Variants in LMO1 observed in about 807,000 individuals in gnomAD.
LMO1 encodes the protein rhombotin-1.
In LMO1, 10 loss-of-function variants were observed where a neutral mutation model predicts 18.0. The ratio of observed to expected loss-of-function variants is 0.55; its 90% CI spans 0.34 to 0.94. LMO1 has a LOEUF of 0.94. Ranked by LOEUF, LMO1 falls within the 40% of genes least tolerant of loss-of-function variation. The pLI is 0.02. For missense variants in LMO1, 183 were observed against 205.7 expected, an observed-to-expected ratio of 0.89 and a Z score of 0.68; for synonymous variants, 77 against 77.9, an observed-to-expected ratio of 0.99 and a Z score of 0.06.
rs139363148 is a variant in LMO1, at chr11:8,226,957, G to A, written c.365+18C>T. The A allele has an allele frequency of 6.0e-4, 959 of 1,603,868 alleles. 1 individual carries two copies. In the Middle Eastern group the frequency reaches 6.8e-3, roughly 11 times the overall value. On this transcript the variant is annotated intron_variant, in intron 3 of 3. Transcript: ENST00000335790. ...TGGCGTCTGGGGAGTGTGTTGGGTC[G>A]GCCAGTCCAGCACTGACCTCTGGTT...
chr11:8,241,031 C>T (rs982717464), intron 1 of LMO1, among the ~76,000 whole-genome samples: 1 of 152,138 alleles, frequency 6.6e-6, no homozygotes, highest in Admixed American at 6.6e-5. Context: ...TTCTCCTTCT[C>T]CAGGATGGGT....
intron 3 of LMO1, among the ~76,000 whole-genome samples, chr11:8,225,650 G>T (rs1037513): frequency 0.95 from 144,253 of 152,174 alleles, 68,443 homozygotes; most frequent in East Asian, 1. Flanking sequence ...CCCCAAGTAA[G>T]GGAAGATTCC....
Position 8,263,384 on chromosome 11 carries a change from C to G in LMO1, c.-22G>C. ...TCATCTCGGGCGCTCCGTGTCCAGC[C>G]GCAGCTAGGCTCGGCCGGGAGAAGG... On this transcript the variant is annotated 5_prime_UTR_variant, in exon 1 of 4. Transcript: ENST00000335790. The G allele has an allele frequency of 6.2e-7, 1 of 1,602,048 alleles. No homozygotes were observed. Among genetic ancestry groups the G allele is most frequent in the Middle Eastern group, 1.7e-4 (1 of 6,044 alleles).
chr11:8,243,539 G>A (rs542777719), intron 1 of LMO1, among the ~76,000 whole-genome samples: 56 of 152,312 alleles, frequency 3.7e-4, no homozygotes, highest in East Asian at 2.7e-3. Context: ...GTGTCATCCC[G>A]TGTGAGAGTC....
At chr11:8,266,941 C>T (rs1468503722), upstream of LMO1, among the ~76,000 whole-genome samples, 1 of 152,262 alleles carries the variant, frequency 6.6e-6, no homozygotes, top group Non-Finnish European at 1.5e-5. Flanking sequence ...CAGAGTAAAC[C>T]TACAGACTTC....
chr11:8,225,499 A>G (rs1037514), intron 3 of LMO1, among the ~76,000 whole-genome samples: 97,375 of 150,808 alleles, frequency 0.65, 33,863 homozygotes, highest in South Asian at 0.8. Flanking sequence ...CCTCTCCCCA[A>G]TTTAAGAGGA....
intron 1 of LMO1, among the ~76,000 whole-genome samples, chr11:8,250,749 G>A (rs1846976936): frequency 1.3e-5 from 2 of 152,250 alleles, no homozygotes. Context: ...GCCTCTGCTG[G>A]GCACAGACAT....
At chr11:8,268,659 G>A (rs970430289), upstream of LMO1, 1 of 315,500 alleles carries the variant, frequency 3.2e-6, no homozygotes, top group Non-Finnish European at 5.7e-6. Context: ...GGGAAGGCGC[G>A]GGGGCGAGAC....
intron 1 of LMO1, among the ~76,000 whole-genome samples, chr11:8,245,032 A>T (rs575705898): frequency 3.3e-4 from 51 of 152,336 alleles, no homozygotes; most frequent in African/African-American, 1.1e-3. Flanking sequence ...GCCTGGTATC[A>T]TGCCCGGCAC....
chr11:8,240,836 TG>T (rs1309431965), intron 1 of LMO1, among the ~76,000 whole-genome samples: 1 of 152,166 alleles, frequency 6.6e-6, no homozygotes, highest in Admixed American at 6.5e-5. Context: ...CAGGAAGGCC[TG>T]GATGTAATTC....
At chr11:8,265,221 A>G (rs1404460275), upstream of LMO1, among the ~76,000 whole-genome samples, 1 of 152,076 alleles carries the variant, frequency 6.6e-6, no homozygotes, top group African/African-American at 2.4e-5. Flanking sequence ...GAGGTGGGAG[A>G]CCTACTCTTC....
At position 8,258,562 on chromosome 11, in the gene LMO1, C is replaced by T. The variant is rs543641586; in HGVS notation, c.25+4776G>A. On this transcript the variant is annotated intron_variant, in intron 1 of 3. Coordinates refer to ENST00000335790, the MANE Select transcript of LMO1 (RefSeq NM_002315.3). ...GCTCACTGGCAATCATCCATCTGTT[C>T]CAAGGTTGAGAGACCAAAATAGACC... Among the ~76,000 whole-genome samples the T allele has an allele frequency of 4.6e-5, 7 of 152,318 alleles. No homozygotes were observed. In the South Asian group the frequency reaches 1.2e-3, roughly 27 times the overall value.
At chr11:8,237,242 C>G (rs1952776066) in intron 1 of LMO1, among the ~76,000 whole-genome samples, 2 of 152,028 alleles carry the variant, frequency 1.3e-5, no homozygotes, top group African/African-American at 4.8e-5. Context: ...ACACCCAGGC[C>G]CGGGAACTGC....
intron 1 of LMO1, among the ~76,000 whole-genome samples, chr11:8,257,926 C>G (rs1253922591): frequency 6.6e-6 from 1 of 152,240 alleles, no homozygotes; most frequent in Non-Finnish European, 1.5e-5. Flanking sequence ...CTCCACACAG[C>G]CATGAGGCTT....
chr11:8,252,786 T>C (rs1847023435), intron 1 of LMO1, among the ~76,000 whole-genome samples: 1 of 152,198 alleles, frequency 6.6e-6, no homozygotes, highest in Admixed American at 6.5e-5. Context: ...CAGCCCCAGG[T>C]GACACACCTT....
At chr11:8,241,883 C>T (rs1405596264) in intron 1 of LMO1, among the ~76,000 whole-genome samples, 1 of 152,096 alleles carries the variant, frequency 6.6e-6, no homozygotes, top group Non-Finnish European at 1.5e-5. Context: ...CATGCCTTGT[C>T]CACTATTGTG....
At chr11:8,251,437 G>A (rs1007979720) in intron 1 of LMO1, among the ~76,000 whole-genome samples, 4 of 152,182 alleles carry the variant, frequency 2.6e-5, no homozygotes, top group Non-Finnish European at 4.4e-5. Context: ...CCACCGCCCC[G>A]TAACAGCCAG....
chr11:8,262,766 G>A (rs1303824249), intron 1 of LMO1, among the ~76,000 whole-genome samples: 1 of 152,184 alleles, frequency 6.6e-6, no homozygotes, highest in Non-Finnish European at 1.5e-5. Context: ...ACCGAGTCAC[G>A]CTCATGCAGA....
chr11:8,263,359 T>C lies in LMO1; in HGVS notation c.4A>G (p.Met2Val). ...CTACCGTCCTCCTTGTCCAGCACCA[T>C]CATCTCGGGCGCTCCGTGTCCAGCC... M[M>V]VLDKEDGVPM... Residue 2 changes from methionine (M) to valine (V), a missense_variant, in exon 1 of 4, where the codon ATG becomes GTG. Met to Val is a conservative substitution (Grantham distance 21, BLOSUM62 1). Transcript: ENST00000335790. 1 of 1,604,840 alleles carries C rather than the reference T, an allele frequency of 6.2e-7. No homozygotes were observed.
Sources: gnomAD v4.1 joint callset for allele counts (sites outside exome capture counted in the v4.1 genomes callset) on GRCh38, gnomAD v4.1.1 for gene constraint, MANE v1.5 for transcripts, NCBI Gene and HGNC (gene_info 2026-07-23, HGNC 2026-07-21) for gene names.